ANKS1A: variants seen among roughly 807,000 people sequenced by gnomAD.
The protein encoded by ANKS1A is ankyrin repeat and SAM domain-containing protein 1A.
In ANKS1A, 55 loss-of-function variants were observed where a neutral mutation model predicts 120.3. The ratio of observed to expected loss-of-function variants is 0.46; its 90% CI spans 0.37 to 0.57. The LOEUF (loss-of-function observed/expected upper bound fraction) is 0.57. Among genes scored for constraint, ANKS1A ranks in the 20% least tolerant of loss-of-function variants. The pLI, the probability that ANKS1A is intolerant of heterozygous loss-of-function variation, is 0.00. For synonymous variants in ANKS1A, 590 were observed against 604.7 expected, an observed-to-expected ratio of 0.98 and a Z score of 0.36; for missense variants, 1,123 against 1,480.3, an observed-to-expected ratio of 0.76 and a Z score of 3.96.
At chr6:34,916,324 G>C (rs1435619204) in intron 1 of ANKS1A, among the ~76,000 whole-genome samples, 1 of 152,072 alleles carries the variant, frequency 6.6e-6, no homozygotes, top group East Asian at 1.9e-4. Context: ...AACACGCTGA[G>C]GAAAGTCTGG....
At chr6:34,966,378 C>T (rs1770893463) in intron 1 of ANKS1A, among the ~76,000 whole-genome samples, 1 of 152,262 alleles carries the variant, frequency 6.6e-6, no homozygotes, top group Admixed American at 6.5e-5. Flanking sequence ...TTTCTAATAA[C>T]ACTTTTTGGG....
rs1400147072 is a variant in ANKS1A, at chr6:35,082,635, A to C, written c.2710-56A>C. 2 of 1,542,858 alleles carry C rather than the reference A, an allele frequency of 1.3e-6. No homozygotes were observed. Among genetic ancestry groups the C allele is most frequent in the Non-Finnish European group, 1.7e-6 (2 of 1,143,236 alleles). ...TTGAGTGTGCTGGAGCCAGGCAGCAAGCCCATGTGCTCCTCTGGAGCAAGG... is the reference window on the plus strand; with the variant it reads ...TTGAGTGTGCTGGAGCCAGGCAGCACGCCCATGTGCTCCTCTGGAGCAAGG... On this transcript the variant is annotated intron_variant, in intron 17 of 23. Coordinates refer to ENST00000360359, the MANE Select transcript of ANKS1A (RefSeq NM_015245.3). This position sits in a 1 kb window ranked among gnomAD's most constrained non-coding sequence, Gnocchi z 4.1.
chr6:35,097,648 A>C, the ANKS1A span, among the ~76,000 whole-genome samples: 2 of 145,784 alleles, frequency 1.4e-5, no homozygotes, highest in Non-Finnish European at 3.0e-5. Flanking sequence ...AAAAAAAAAA[A>C]AAAAAAAAAA....
intron 10 of ANKS1A, among the ~76,000 whole-genome samples, chr6:35,016,235 C>T (rs574931492): frequency 6.6e-6 from 1 of 152,326 alleles, no homozygotes; most frequent in South Asian, 2.1e-4. Flanking sequence ...TCCTGCACCA[C>T]CTGGGGTAAC....
downstream of ANKS1A, chr6:35,091,507 A>G: frequency 1.2e-6 from 1 of 823,014 alleles, no homozygotes; most frequent in Non-Finnish European, 1.5e-6. Flanking sequence ...AGTGATTCGC[A>G]TCCTACACCG....
At position 35,089,279 on chromosome 6, in the gene ANKS1A, G is replaced by A; in HGVS notation, c.*670G>A. The A allele has an allele frequency of 1.0e-6, 1 of 987,412 alleles. No homozygotes were observed. The highest frequency in any genetic ancestry group is 5.2e-4 in the Middle Eastern group (1 of 1,916). 61.2% of individuals were successfully genotyped at this position (987,412 alleles called of 1,614,324 possible). ...TCAAAGGTTTCCGGTCCATTTCTGG[G>A]GTTCCCGATGGGAAGGTTCAGTGGC... On this transcript the variant is annotated 3_prime_UTR_variant, in exon 24 of 24. Coordinates refer to ENST00000360359, the MANE Select transcript of ANKS1A (RefSeq NM_015245.3).
At chr6:34,940,916 A>AG in intron 1 of ANKS1A, among the ~76,000 whole-genome samples, 1 of 152,086 alleles carries the variant, frequency 6.6e-6, no homozygotes, top group East Asian at 1.9e-4. Context: ...GTCAAAAAAA[A>AG]AAAAAATTAA....
intron 11 of ANKS1A, among the ~76,000 whole-genome samples, chr6:35,051,025 T>C (rs965826786): frequency 5.3e-5 from 8 of 152,096 alleles, no homozygotes; most frequent in African/African-American, 1.9e-4. Flanking sequence ...CGGTCTGCAG[T>C]CTGGAACACC....
chr6:34,991,875 A>G (rs1772596468), intron 9 of ANKS1A, among the ~76,000 whole-genome samples: 1 of 148,880 alleles, frequency 6.7e-6, no homozygotes, highest in African/African-American at 2.5e-5. Flanking sequence ...AAGATTAAGG[A>G]GTAATTTAGT....
intron 1 of ANKS1A, among the ~76,000 whole-genome samples, chr6:34,900,152 C>G (rs1030180066): frequency 6.6e-6 from 1 of 152,138 alleles, no homozygotes; most frequent in African/African-American, 2.4e-5. Context: ...GATGAAGAAG[C>G]AAAAGTTAAG....
chr6:34,958,958 G>A (rs983450244), intron 1 of ANKS1A, among the ~76,000 whole-genome samples: 27 of 152,170 alleles, frequency 1.8e-4, no homozygotes, highest in Admixed American at 1.6e-3. Flanking sequence ...GAACTCAAGG[G>A]TGGGGACTGT....
At chr6:35,080,541 G>A (rs1207390309) in intron 16 of ANKS1A, among the ~76,000 whole-genome samples, 1 of 152,164 alleles carries the variant, frequency 6.6e-6, no homozygotes, top group African/African-American at 2.4e-5. Context: ...TCGTGAAGTG[G>A]GTCCTGTTCA....
At chr6:35,068,438 G>A (rs920475387) in intron 13 of ANKS1A, among the ~76,000 whole-genome samples, 1 of 152,122 alleles carries the variant, frequency 6.6e-6, no homozygotes, top group Non-Finnish European at 1.5e-5. Flanking sequence ...ACTAAGCTTT[G>A]GCAGCTCCTC....
intron 11 of ANKS1A, among the ~76,000 whole-genome samples, chr6:35,039,975 A>C (rs1247071089): frequency 6.6e-6 from 1 of 152,168 alleles, no homozygotes; most frequent in South Asian, 2.1e-4. Flanking sequence ...CTCACATGGC[A>C]GAATATATGT....
chr6:35,002,466 C>T (rs545265107), intron 10 of ANKS1A, among the ~76,000 whole-genome samples: 7 of 152,110 alleles, frequency 4.6e-5, no homozygotes, highest in Non-Finnish European at 8.8e-5. Context: ...CTTCCTCAGA[C>T]GAAGGACTGT....
Position 35,050,024 on chromosome 6 carries a change from G to C in ANKS1A, c.2011-4075G>C, listed in dbSNP as rs1281926815. 6.6e-6 allele frequency among the ~76,000 whole-genome samples: 1 copy of C among 152,154 alleles called. No individual in the cohort carries two copies. Among genetic ancestry groups the C allele is most frequent in the African/African-American group, 2.4e-5 (1 of 41,426 alleles). ...GTGGCTCTGCCGCCTGGTGATGGGGGATGGAGACCTCTCCATACAGAGCTC... is the reference window on the plus strand; with the variant it reads ...GTGGCTCTGCCGCCTGGTGATGGGGCATGGAGACCTCTCCATACAGAGCTC... On this transcript the variant is annotated intron_variant, in intron 11 of 23. Transcript: ENST00000360359. The surrounding 1 kb of genome is among the most constrained non-coding windows in gnomAD (Gnocchi z 4.3).
chr6:34,986,827 T>G (rs1323408694), intron 8 of ANKS1A, among the ~76,000 whole-genome samples: 1 of 152,246 alleles, frequency 6.6e-6, no homozygotes, highest in Admixed American at 6.5e-5. Context: ...AGTATAGCAC[T>G]TCTATAGACA....
At chr6:34,895,780 CTTT>C (rs995285475) in intron 1 of ANKS1A, among the ~76,000 whole-genome samples, 22 of 90,382 alleles carry the variant, frequency 2.4e-4, no homozygotes, top group African/African-American at 5.5e-4. Context: ...GAATGTCTTT[CTTT>C]TTTTTTTTTT....
At chr6:35,087,218 G>A (rs923416752) in intron 23 of ANKS1A, among the ~76,000 whole-genome samples, 169 bp downstream of exon 23, 3 of 55,058 alleles carry the variant, frequency 5.4e-5, no homozygotes, top group East Asian at 3.6e-4. Flanking sequence ...CAGCGTAGAC[G>A]CTGTACACTT....
Sources: gnomAD v4.1 joint callset for allele counts (sites outside exome capture counted in the v4.1 genomes callset) on GRCh38, gnomAD v4.1.1 for gene constraint, Gnocchi (gnomAD v3.1) non-coding constraint, MANE v1.5 for transcripts, NCBI Gene and HGNC (gene_info 2026-07-23, HGNC 2026-07-21) for gene names.